Variants in NRXN3 observed in about 807,000 individuals in gnomAD.
NRXN3 encodes neurexin III.
Under a neutral mutation model 137.6 loss-of-function variants are expected in NRXN3, and 32 were observed. That is an observed-to-expected ratio of 0.23 (90% confidence interval 0.18 to 0.31). The LOEUF is 0.31. Among genes scored for constraint, NRXN3 ranks in the 10% least tolerant of loss-of-function variants. The probability of loss-of-function intolerance (pLI) is 1.00; values close to 1 mark genes in which losing one functional copy is unlikely to be tolerated. For missense variants in NRXN3, 1,574 were observed against 2,062.5 expected, an observed-to-expected ratio of 0.76 and a Z score of 4.59; for synonymous variants, 798 against 784.5, an observed-to-expected ratio of 1.02 and a Z score of -0.29.
intron 15 of NRXN3, among the ~76,000 whole-genome samples, chr14:79,061,684 A>T (rs943353592): frequency 6.6e-6 from 1 of 152,194 alleles, no homozygotes; most frequent in African/African-American, 2.4e-5. Context: ...ACCCATGACA[A>T]GGTCTACGGC....
intron 4 of NRXN3, among the ~76,000 whole-genome samples, chr14:78,403,566 G>A (rs1480297156): frequency 6.6e-6 from 1 of 152,298 alleles, no homozygotes; most frequent in African/African-American, 2.4e-5. Context: ...AGCTCCCAGT[G>A]TATGCACAAA....
intron 4 of NRXN3, among the ~76,000 whole-genome samples, chr14:78,373,554 GA>G (rs1203475065): frequency 1.2e-4 from 18 of 152,192 alleles, no homozygotes; most frequent in Admixed American, 1.2e-3. Flanking sequence ...TGTTCATGGA[GA>G]CAGTGCTTGT....
rs138691582 is a variant in NRXN3, at chr14:79,813,092, C to T, written c.4093+7902C>T. 1.1e-3 allele frequency among the ~76,000 whole-genome samples: 164 copies of T among 152,052 alleles called. 2 individuals are homozygous for T. The highest frequency in any genetic ancestry group is 1.7e-3 in the African/African-American group (71 of 41,472). On this transcript the variant is annotated intron_variant, in intron 20 of 20. Transcript: ENST00000335750. The stretch of plus-strand genomic sequence containing the variant: ...TATAAGTGATATTAGACTAATGTAA[C>T]CAGAGATTAACAGCCCCTACCATCA...
chr14:78,968,358 T>G lies in NRXN3; in HGVS notation c.3142+12T>G, dbSNP rs2099428000. The G allele has an allele frequency of 1.9e-6, 3 of 1,609,852 alleles. No individual in the cohort carries two copies. The highest frequency in any genetic ancestry group is 2.5e-6 in the Non-Finnish European group (3 of 1,177,216). The stretch of plus-strand genomic sequence containing the variant: ...GCGTGGCTGTGAAGGTACAACCTAT[T>G]TTTTTCTTGTTAAGCTACAGCCTTG... On this transcript the variant is annotated intron_variant, in intron 14 of 20. Transcript: ENST00000335750.
chr14:79,480,640 T>C (rs948120676), intron 16 of NRXN3, among the ~76,000 whole-genome samples: 1 of 152,144 alleles, frequency 6.6e-6, no homozygotes, highest in African/African-American at 2.4e-5. Context: ...TGGATCCGTG[T>C]CCCCATCCAA....
intron 8 of NRXN3, among the ~76,000 whole-genome samples, chr14:78,802,398 T>C (rs1432715298): frequency 6.6e-6 from 1 of 150,488 alleles, no homozygotes; most frequent in Non-Finnish European, 1.5e-5. Flanking sequence ...TGGCGGGAGG[T>C]GGGAGGGATA....
chr14:79,508,639 G>T (rs377375178), intron 16 of NRXN3, among the ~76,000 whole-genome samples: 1 of 151,472 alleles, frequency 6.6e-6, no homozygotes, highest in Admixed American at 6.6e-5. Context: ...TGATCCGCCC[G>T]CCTCGGCCTT....
chr14:79,822,447 T>C (rs1299694129), intron 20 of NRXN3, among the ~76,000 whole-genome samples: 1 of 152,198 alleles, frequency 6.6e-6, no homozygotes, highest in Non-Finnish European at 1.5e-5. Context: ...TTACTATGTA[T>C]AGCATTCTTA....
intron 10 of NRXN3, among the ~76,000 whole-genome samples, chr14:78,872,741 A>G (rs1220178553): frequency 6.6e-6 from 1 of 152,030 alleles, no homozygotes; most frequent in African/African-American, 2.4e-5. Flanking sequence ...TTTTTTTAGT[A>G]ATTCAGTTTC....
chr14:79,524,554 C>T (rs955157911), intron 16 of NRXN3, among the ~76,000 whole-genome samples: 2 of 152,104 alleles, frequency 1.3e-5, no homozygotes, highest in South Asian at 2.1e-4. Context: ...AAAAATAATT[C>T]TGGGGATAAT....
chr14:79,385,204 T>TCCCCCCCCCCCCCCCCCCCC (rs557799323), intron 15 of NRXN3, among the ~76,000 whole-genome samples: 1 of 90,504 alleles, frequency 1.1e-5, no homozygotes, highest in Non-Finnish European at 2.4e-5. Context: ...ATGCTATCCT[T>TCCCCCCCCCCCCCCCCCCCC]CCCCCCGCCC....
intron 15 of NRXN3, among the ~76,000 whole-genome samples, chr14:79,055,526 G>T (rs1400733778): frequency 1.3e-5 from 2 of 152,134 alleles, no homozygotes; most frequent in African/African-American, 4.8e-5. Flanking sequence ...ATGAAGAAAG[G>T]TTAGAGGAAA....
At chr14:79,833,415 C>G (rs1171205826) in intron 20 of NRXN3, among the ~76,000 whole-genome samples, 1 of 151,988 alleles carries the variant, frequency 6.6e-6, no homozygotes, top group Admixed American at 6.6e-5. Context: ...TTTTATGGTG[C>G]CTTTGCCTCG....
chr14:79,610,114 G>C (rs1338913886), intron 16 of NRXN3, among the ~76,000 whole-genome samples: 1 of 152,016 alleles, frequency 6.6e-6, no homozygotes, highest in African/African-American at 2.4e-5. Context: ...AAAAAAAGAT[G>C]CACAAATAGT....
chr14:79,000,990 A>C (rs971525041), intron 15 of NRXN3, among the ~76,000 whole-genome samples: 4 of 152,180 alleles, frequency 2.6e-5, no homozygotes, highest in Non-Finnish European at 5.9e-5. Flanking sequence ...CAATAAACAC[A>C]GCTATAACCA....
intron 10 of NRXN3, among the ~76,000 whole-genome samples, chr14:78,932,473 T>C (rs1407196648): frequency 1.3e-5 from 2 of 152,180 alleles, no homozygotes; most frequent in African/African-American, 2.4e-5. Context: ...ATAATCACAA[T>C]TGAAGTAGTG....
Position 78,389,365 on chromosome 14 carries a change from T to G in NRXN3, c.757+91505T>G, listed in dbSNP as rs369282950. ...GTCACCATGCCAGGCCTAAGGTTCT[T>G]GATATATACTGAAACATTGCCTTCC... On this transcript the variant is annotated intron_variant, in intron 4 of 20. Transcript: ENST00000335750. 7.2e-5 allele frequency among the ~76,000 whole-genome samples: 11 copies of G among 152,276 alleles called. No homozygotes were observed. In the East Asian group the frequency reaches 1.2e-3, roughly 16 times the overall value.
chr14:78,515,907 T>C (rs1358322526), intron 4 of NRXN3, among the ~76,000 whole-genome samples: 1 of 152,172 alleles, frequency 6.6e-6, no homozygotes, highest in Non-Finnish European at 1.5e-5. Context: ...ACTTGGACTC[T>C]AGAATCCAAA....
At chr14:79,509,155 C>T (rs1440209298) in intron 16 of NRXN3, among the ~76,000 whole-genome samples, 1 of 152,086 alleles carries the variant, frequency 6.6e-6, no homozygotes, top group Non-Finnish European at 1.5e-5. Context: ...AATCGTGCCA[C>T]TGCACTCAAG....
Sources: allele counts gnomAD v4.1 joint callset (sites outside exome capture counted in the v4.1 genomes callset), GRCh38; gene constraint gnomAD v4.1.1; transcripts MANE v1.5; gene names NCBI Gene and HGNC (gene_info 2026-07-23, HGNC 2026-07-21).